The following PITPNC1 variants were observed in gnomAD, a reference collection of about 807,000 sequenced individuals.
The protein encoded by PITPNC1 is phosphatidylinositol transfer protein cytoplasmic 1.
Under a neutral mutation model 44.7 loss-of-function variants are expected in PITPNC1, and 18 were observed. The ratio of observed to expected loss-of-function variants is 0.40; its 90% CI spans 0.28 to 0.60. The LOEUF is 0.60. Among genes scored for constraint, PITPNC1 ranks in the 20% least tolerant of loss-of-function variants. The pLI is 0.39. For synonymous variants in PITPNC1, 141 were observed against 149.6 expected (o/e 0.94, Z 0.42); for missense variants, 290 against 418.4 (o/e 0.69, Z 2.68).
intron 5 of PITPNC1, among the ~76,000 whole-genome samples, chr17:67,615,935 AGAG>A (rs1457877835): frequency 3.9e-5 from 6 of 152,168 alleles, no homozygotes; most frequent in African/African-American, 1.2e-4. Flanking sequence ...GCTGCAGCCC[AGAG>A]GAGAATTCGG....
chr17:67,519,967 A>T, intron 1 of PITPNC1, among the ~76,000 whole-genome samples: 1 of 151,860 alleles, frequency 6.6e-6, no homozygotes, highest in East Asian at 1.9e-4. Context: ...GACATTAAGA[A>T]CTCCCGCTGT....
At chr17:67,489,735 ATTTCTTTTTTCTT>A (rs2039835545) in intron 1 of PITPNC1, among the ~76,000 whole-genome samples, 2 of 151,800 alleles carry the variant, frequency 1.3e-5, no homozygotes, top group Admixed American at 1.3e-4. Context: ...CTTTTTGGTT[ATTTCTTTTTTCTT>A]TTTCTTTTTT....
rs774978384 is a variant in PITPNC1 at position 67,675,592 on chromosome 17, G to C, written c.682+50G>C. 1.2e-5 allele frequency: 16 copies of C among 1,285,342 alleles called. No homozygotes were observed. In the East Asian group the frequency reaches 2.8e-4, roughly 22 times the overall value. The allele number at this position is 1,285,342 out of a possible 1,614,324, so 79.6% of individuals were successfully genotyped here. ...TTGTAGAACAACTTCATGTTGTCTC[G>C]GGCTTTCTGTCCATTTGGCTTCAAC... On this transcript the variant is annotated intron_variant, in intron 8 of 8. Coordinates refer to ENST00000581322, the MANE Select transcript of PITPNC1 (RefSeq NM_012417.4).
chr17:67,598,040 G>A (rs897705604), intron 5 of PITPNC1, among the ~76,000 whole-genome samples: 1 of 152,144 alleles, frequency 6.6e-6, no homozygotes, highest in African/African-American at 2.4e-5. Flanking sequence ...TGGCCAACGT[G>A]GTGAAACCCC....
chr17:67,616,360 C>T (rs553167812), intron 5 of PITPNC1, among the ~76,000 whole-genome samples: 2 of 152,242 alleles, frequency 1.3e-5, no homozygotes, highest in Admixed American at 6.5e-5. Flanking sequence ...AGGCTGGTCT[C>T]GAACTCCTGA....
At chr17:67,652,568 C>T (rs560450349) in intron 6 of PITPNC1, among the ~76,000 whole-genome samples, 2 of 152,170 alleles carry the variant, frequency 1.3e-5, no homozygotes, top group East Asian at 1.9e-4. Flanking sequence ...CGGTAGCATC[C>T]GGAGCCAGAG....
At chr17:67,558,101 C>T (rs2040862737) in intron 4 of PITPNC1, among the ~76,000 whole-genome samples, 1 of 152,170 alleles carries the variant, frequency 6.6e-6, no homozygotes, top group Admixed American at 6.5e-5. Context: ...AGACCTCATG[C>T]TGCCCTCATT....
intron 1 of PITPNC1, among the ~76,000 whole-genome samples, chr17:67,475,053 C>T (rs1186719459): frequency 1.3e-5 from 2 of 152,206 alleles, no homozygotes; most frequent in Middle Eastern, 3.2e-3. Flanking sequence ...GAACACTCAA[C>T]GTTGACGCTA....
intron 8 of PITPNC1, among the ~76,000 whole-genome samples, chr17:67,680,987 T>G (rs551591896): frequency 6.6e-6 from 1 of 152,318 alleles, no homozygotes; most frequent in South Asian, 2.1e-4. Context: ...AAGTATAATG[T>G]GCCATTTCAC....
chr17:67,452,824 A>T (rs2039202311), intron 1 of PITPNC1, among the ~76,000 whole-genome samples: 2 of 152,178 alleles, frequency 1.3e-5, no homozygotes, highest in Non-Finnish European at 2.9e-5. Context: ...ACTTATAAAG[A>T]AATTGCCAGG....
At chr17:67,440,985 G>C (rs1194327049) in intron 1 of PITPNC1, among the ~76,000 whole-genome samples, 1 of 152,104 alleles carries the variant, frequency 6.6e-6, no homozygotes, top group African/African-American at 2.4e-5. Flanking sequence ...AAGATCCCCA[G>C]GCGATGCAAC....
chr17:67,534,934 C>T (rs77991927), intron 2 of PITPNC1, among the ~76,000 whole-genome samples: 1 of 152,318 alleles, frequency 6.6e-6, no homozygotes, highest in East Asian at 1.9e-4. Flanking sequence ...CCATTCTCGC[C>T]TTGACCCCAC....
At position 67,448,738 on chromosome 17, in the gene PITPNC1, T is replaced by C. The variant is rs144753421; in HGVS notation, c.48+70536T>C. On this transcript the variant is annotated intron_variant, in intron 1 of 8. Coordinates refer to ENST00000581322, the MANE Select transcript of PITPNC1 (RefSeq NM_012417.4). ...AAAATCACCATACTTACCTAGGCCA[T>C]ACTTACTAGGCTGGAGAGGCAGGTA... Among the ~76,000 whole-genome samples, 444 of 152,268 alleles carry C rather than the reference T, an allele frequency of 2.9e-3. 7 individuals carry two copies. Among genetic ancestry groups the C allele is most frequent in the Non-Finnish European group, 1.4e-3 (93 of 68,020 alleles).
intron 1 of PITPNC1, among the ~76,000 whole-genome samples, chr17:67,417,505 A>C (rs573177965): frequency 7.8e-4 from 118 of 152,214 alleles, no homozygotes; most frequent in African/African-American, 2.8e-3. Flanking sequence ...AATTTAACCT[A>C]CATATAATTT....
At chr17:67,417,062 C>A (rs2038599648) in intron 1 of PITPNC1, among the ~76,000 whole-genome samples, 1 of 152,118 alleles carries the variant, frequency 6.6e-6, no homozygotes, top group Non-Finnish European at 1.5e-5. Flanking sequence ...GATCCGACCG[C>A]CTCAGCCTCC....
At chr17:67,494,214 T>TCTCTCTCTCTCTCTCTC (rs1568012975) in intron 1 of PITPNC1, among the ~76,000 whole-genome samples, 2 of 149,836 alleles carry the variant, frequency 1.3e-5, no homozygotes, top group Admixed American at 6.7e-5. Flanking sequence ...TCTTTCTTTC[T>TCTCTCTCTCTCTCTCTC]TTTTGAGACG....
intron 1 of PITPNC1, among the ~76,000 whole-genome samples, chr17:67,526,341 A>G (rs913138014): frequency 6.6e-6 from 1 of 152,146 alleles, no homozygotes; most frequent in African/African-American, 2.4e-5. Flanking sequence ...TCAGGCATGG[A>G]TGATGTTGAA....
intron 5 of PITPNC1, among the ~76,000 whole-genome samples, chr17:67,602,678 G>A (rs1427699260): frequency 1.3e-5 from 2 of 152,118 alleles, no homozygotes; most frequent in Non-Finnish European, 2.9e-5. Context: ...CAGGGGCCTG[G>A]AGGAGGAGGG....
intron 8 of PITPNC1, among the ~76,000 whole-genome samples, chr17:67,690,757 CA>C (rs2042911809): frequency 1.3e-5 from 2 of 151,990 alleles, no homozygotes; most frequent in South Asian, 4.1e-4. Context: ...CTGTTCCCAG[CA>C]AGTAAAAATG....
Sources: gnomAD v4.1 joint callset for allele counts (sites outside exome capture counted in the v4.1 genomes callset) on GRCh38, gnomAD v4.1.1 for gene constraint, MANE v1.5 for transcripts, NCBI Gene and HGNC (gene_info 2026-07-23, HGNC 2026-07-21) for gene names.